SEC24B: variants seen among roughly 807,000 people sequenced by gnomAD.
SEC24B encodes the protein SEC24 homolog B, COPII component, also known as protein transport protein Sec24B.
SEC24B carries 45 observed loss-of-function variants against 142.8 expected under a neutral mutation model. That is an observed-to-expected ratio of 0.32 (90% CI 0.25 to 0.40). SEC24B has a LOEUF of 0.40. Among genes scored for constraint, SEC24B ranks in the 10% least tolerant of loss-of-function variants. The pLI is 1.00. For synonymous variants in SEC24B, 574 were observed against 568.2 expected, an observed-to-expected ratio of 1.01 and a Z score of -0.15; for missense variants, 1,409 against 1,526.8, an observed-to-expected ratio of 0.92 and a Z score of 1.29.
intron 18 of SEC24B, among the ~76,000 whole-genome samples, chr4:109,528,460 T>G (rs954008208): frequency 6.8e-6 from 1 of 147,626 alleles, no homozygotes; most frequent in Non-Finnish European, 1.5e-5. Flanking sequence ...TACATACAAA[T>G]GATTCTATAT....
At chr4:109,439,474 A>ATTTTT (rs70949077) in intron 1 of SEC24B, among the ~76,000 whole-genome samples, 8 of 43,994 alleles carry the variant, frequency 1.8e-4, no homozygotes, top group South Asian at 8.1e-4. Context: ...TCCTAAGCTG[A>ATTTTT]TTTTTTTTTT....
At chr4:109,512,446 G>T (rs1419840660) in intron 9 of SEC24B, among the ~76,000 whole-genome samples, 1 of 152,178 alleles carries the variant, frequency 6.6e-6, no homozygotes, top group African/African-American at 2.4e-5. Flanking sequence ...ATGCATGCAT[G>T]TATATATGTC....
chr4:109,474,033 A>G (rs981230900), intron 3 of SEC24B, among the ~76,000 whole-genome samples: 4 of 152,204 alleles, frequency 2.6e-5, no homozygotes, highest in African/African-American at 9.6e-5. Context: ...ATAAATTCCT[A>G]GGGTGATCTC....
intron 3 of SEC24B, among the ~76,000 whole-genome samples, chr4:109,475,877 T>C (rs1438377047): frequency 2.6e-5 from 4 of 152,162 alleles, no homozygotes; most frequent in Non-Finnish European, 5.9e-5. Flanking sequence ...TCCATGACCA[T>C]AATATATAAA....
At position 109,518,955 on chromosome 4, in the gene SEC24B, C is replaced by T. The variant is rs577134506; in HGVS notation, c.2127-1411C>T. On this transcript the variant is annotated intron_variant, in intron 11 of 23. Coordinates refer to ENST00000265175, the MANE Select transcript of SEC24B (RefSeq NM_006323.5). ...CTTAGTAGCTGCGACTACAAGCGCA[C>T]ACCATCACACTCGGCTAATTTTTGT... 5.9e-5 allele frequency among the ~76,000 whole-genome samples: 9 copies of T among 152,048 alleles called. No individual in the cohort carries two copies. The South Asian group carries it at 1.9e-3, about 32-fold the overall frequency.
intron 4 of SEC24B, among the ~76,000 whole-genome samples, chr4:109,490,868 C>T (rs555537380): frequency 4.6e-5 from 7 of 152,120 alleles, no homozygotes; most frequent in African/African-American, 1.7e-4. Flanking sequence ...GCCACAGACT[C>T]CTCATTTATG....
intron 1 of SEC24B, among the ~76,000 whole-genome samples, chr4:109,460,173 A>G (rs1731110528): frequency 6.6e-6 from 1 of 152,146 alleles, no homozygotes; most frequent in African/African-American, 2.4e-5. Flanking sequence ...AGTTATTTTT[A>G]TGCTGGCCGT....
intron 3 of SEC24B, among the ~76,000 whole-genome samples, chr4:109,478,659 T>TA (rs928995813): frequency 1.3e-5 from 2 of 152,330 alleles, no homozygotes; most frequent in South Asian, 2.1e-4. Context: ...TCCATAATGT[T>TA]ACGCTCCTTC....
chr4:109,444,570 G>A (rs530768718), intron 1 of SEC24B, among the ~76,000 whole-genome samples: 1 of 149,668 alleles, frequency 6.7e-6, no homozygotes, highest in Admixed American at 6.8e-5. Context: ...TAAAGCAAGA[G>A]AATCAGTTTT....
At chr4:109,528,352 GGAGGCA>G (rs1470754491) in intron 18 of SEC24B, among the ~76,000 whole-genome samples, 7 of 151,642 alleles carry the variant, frequency 4.6e-5, no homozygotes, top group Non-Finnish European at 1.0e-4. Context: ...TTTGAACCCA[GGAGGCA>G]GAGGTTGCAG....
intron 4 of SEC24B, among the ~76,000 whole-genome samples, chr4:109,486,625 CCA>C (rs1734383870): frequency 6.6e-6 from 1 of 152,144 alleles, no homozygotes; most frequent in African/African-American, 2.4e-5. Context: ...TACTTGACCC[CCA>C]TTTGATCTCA....
chr4:109,449,411 T>TTTG, intron 1 of SEC24B: 1 of 367,736 alleles, frequency 2.7e-6, no homozygotes, highest in Non-Finnish European at 5.4e-6. Context: ...TTTTTTTTTT[T>TTTG]TGTAGAGACG....
rs757930000 is a variant in SEC24B at position 109,473,130 on chromosome 4, A to C, written c.1004A>C (p.His335Pro). 4.8e-5 allele frequency: 76 copies of C among 1,598,684 alleles called. No homozygotes were observed. Among genetic ancestry groups the C allele is most frequent in the Non-Finnish European group, 6.2e-5 (73 of 1,172,766 alleles). ...SSTRTPPTAN[H>P]PVEPVTSVTQ... ...ACAAGAACACCTCCCACTGCAAATC[A>C]CCCAGTTGAGCCTGTGACCTCAGTT... Residue 335 changes from histidine to proline, a missense_variant, in exon 3 of 24, where the codon CAC becomes CCC. By Grantham distance (77) the His-to-Pro change is moderately conservative. This residue lies in a region of SEC24B where 709 missense variants were observed against 673.5 expected (regional missense o/e 1.05). Transcript: ENST00000265175.
intron 5 of SEC24B, among the ~76,000 whole-genome samples, chr4:109,492,370 T>C (rs1398775963): frequency 1.3e-5 from 2 of 152,138 alleles, no homozygotes; most frequent in Non-Finnish European, 2.9e-5. Flanking sequence ...CAATCTCTTA[T>C]CAAGATCTTC....
chr4:109,495,493 T>A (rs1165212431), intron 6 of SEC24B, among the ~76,000 whole-genome samples: 1 of 152,214 alleles, frequency 6.6e-6, no homozygotes, highest in Non-Finnish European at 1.5e-5. Context: ...GAGAAACAGC[T>A]TTCTCCATAG....
chr4:109,518,431 A>T (rs147985050), intron 11 of SEC24B, among the ~76,000 whole-genome samples: 2 of 152,294 alleles, frequency 1.3e-5, no homozygotes, highest in African/African-American at 4.8e-5. Flanking sequence ...GGGGCTTGTT[A>T]TATATGAATA....
chr4:109,514,301 T>C (rs1324305124), intron 10 of SEC24B, among the ~76,000 whole-genome samples: 1 of 152,238 alleles, frequency 6.6e-6, no homozygotes, highest in East Asian at 1.9e-4. Flanking sequence ...TCTTTAATTA[T>C]ATGAACTGTA....
chr4:109,505,045 A>G (rs184550553), intron 6 of SEC24B, among the ~76,000 whole-genome samples: 63 of 152,240 alleles, frequency 4.1e-4, no homozygotes, highest in East Asian at 5.8e-4. Flanking sequence ...GGATTAAACT[A>G]TAAGCTAATA....
intron 7 of SEC24B, among the ~76,000 whole-genome samples, chr4:109,507,614 T>TA: frequency 6.6e-6 from 1 of 152,090 alleles, no homozygotes; most frequent in South Asian, 2.1e-4. Context: ...TTAGTGTTCT[T>TA]TAGAGCCAAT....
Sources: gnomAD v4.1 joint callset for allele counts (sites outside exome capture counted in the v4.1 genomes callset) on GRCh38, gnomAD v4.1.1 for gene constraint, gnomAD v4.1.1 regional missense constraint, MANE v1.5 for transcripts, NCBI Gene and HGNC (gene_info 2026-07-23, HGNC 2026-07-21) for gene names.